Variants in FBXO16 observed in about 807,000 individuals in gnomAD.
FBXO16 encodes the protein F-box only protein 16.
In FBXO16, 31 loss-of-function variants were observed where a neutral mutation model predicts 41.0. That is an observed-to-expected ratio of 0.76 (90% CI 0.57 to 1.02). The LOEUF (loss-of-function observed/expected upper bound fraction) is 1.02, where lower values mean the gene tolerates loss of function less well. FBXO16 is among the 50% of genes least tolerant of loss of function. The pLI, the probability that FBXO16 is intolerant of heterozygous loss-of-function variation, is 0.00. For missense variants in FBXO16, 361 were observed against 346.2 expected, an observed-to-expected ratio of 1.04 and a Z score of -0.34; for synonymous variants, 133 against 117.8, an observed-to-expected ratio of 1.13 and a Z score of -0.84.
chr8:28,463,907 G>A (rs1803189450), intron 3 of FBXO16, 89 bp from the exon 4 acceptor site: 2 of 1,206,512 alleles, frequency 1.7e-6, no homozygotes, highest in Non-Finnish European at 2.3e-6. Flanking sequence ...CAATGGCATA[G>A]AAAGGGAGTT....
intron 2 of FBXO16, among the ~76,000 whole-genome samples, chr8:28,479,223 G>C (rs973734413): frequency 1.4e-4 from 22 of 152,082 alleles, no homozygotes; most frequent in Non-Finnish European, 3.2e-4. Context: ...AAGTCCTATG[G>C]GGTCAGTGGA....
chr8:28,477,553 T>C (rs1275642397), intron 2 of FBXO16, among the ~76,000 whole-genome samples: 1 of 152,348 alleles, frequency 6.6e-6, no homozygotes, highest in East Asian at 1.9e-4. Flanking sequence ...TTGTTCTTTG[T>C]TTACTTATAT....
At chr8:28,460,247 T>TATATATATA (rs57422429) in intron 4 of FBXO16, among the ~76,000 whole-genome samples, 5 of 53,344 alleles carry the variant, frequency 9.4e-5, no homozygotes, top group Non-Finnish European at 1.6e-4. Context: ...ATATATATAT[T>TATATATATA]TTTTTTTTTT....
intron 2 of FBXO16, among the ~76,000 whole-genome samples, chr8:28,474,943 G>C (rs113075350): frequency 6.6e-6 from 1 of 152,202 alleles, no homozygotes; most frequent in Admixed American, 6.5e-5. Context: ...CAGTGAGTGA[G>C]GAAAGGAAGA....
chr8:28,448,357 A>AAAAAG (rs1401076051), intron 6 of FBXO16, among the ~76,000 whole-genome samples: 7 of 151,076 alleles, frequency 4.6e-5, no homozygotes, highest in Non-Finnish European at 8.9e-5. Flanking sequence ...AAAAAAAAAA[A>AAAAAG]AAAGAAAGAA....
intron 7 of FBXO16, among the ~76,000 whole-genome samples, chr8:28,434,002 C>T (rs982323690): frequency 2.1e-5 from 3 of 144,092 alleles, no homozygotes; most frequent in East Asian, 2.0e-4. Context: ...ACTCTGGTGC[C>T]GAGGCTGGAG....
In FBXO16 at chr8:28,483,411, A is replaced by G; in HGVS notation, c.36T>C (p.Gly12=). 6.2e-7 allele frequency: 1 copy of G among 1,614,068 alleles called. No individual in the cohort carries two copies. Among genetic ancestry groups the G allele is most frequent in the Non-Finnish European group, 8.5e-7 (1 of 1,180,002 alleles). The change falls in exon 2 of 9, where the codon GGT becomes GGC. Residue 12 remains glycine (G), a synonymous_variant. Coordinates refer to ENST00000380254, the MANE Select transcript of FBXO16 (RefSeq NM_172366.4). ...MAFAPPKNTD[G]PKMQTKMSTW... ...TGCTCATCTTTGTCTGCATTTTGGG[A>G]CCATCTGTGTTTTTTGGAGGTGCAA...
intron 7 of FBXO16, among the ~76,000 whole-genome samples, chr8:28,442,681 G>A (rs767377412): frequency 3.6e-4 from 55 of 152,118 alleles, no homozygotes; most frequent in Non-Finnish European, 3.4e-4. Flanking sequence ...ACCTCGCCCA[G>A]CCCATCTTTC....
At chr8:28,433,247 G>A (rs879162412) in intron 7 of FBXO16, among the ~76,000 whole-genome samples, 18 of 152,252 alleles carry the variant, frequency 1.2e-4, no homozygotes, top group Middle Eastern at 3.4e-3. Context: ...CTGATGTGCC[G>A]TTATAGTGTC....
chr8:28,432,329 CG>C (rs1324229910), intron 7 of FBXO16, among the ~76,000 whole-genome samples: 1 of 151,788 alleles, frequency 6.6e-6, no homozygotes, highest in African/African-American at 2.4e-5. Flanking sequence ...CAAAAATTAG[CG>C]GGGCGTGGTG....
rs199665828 is a variant in FBXO16 at position 28,456,851 on chromosome 8, T to C, written c.422A>G (p.Asn141Ser). ...CTGCTCAAAGGGAGTTGGAGAGAAA[T>C]TGATGTACCAGTTAAACCGTAAACA... ...LKCLRFNWYI[N>S]FSPTPFEQGI... Residue 141 changes from asparagine (N) to serine (S), a missense_variant, in exon 5 of 9, where the codon AAT (asparagine) becomes AGT (serine). By Grantham distance (46) the Asn-to-Ser change is conservative. Coordinates refer to ENST00000380254, the MANE Select transcript of FBXO16 (RefSeq NM_172366.4). 220 of 1,614,150 alleles carry C rather than the reference T, an allele frequency of 1.4e-4. No individual in the cohort carries two copies. Among genetic ancestry groups the C allele is most frequent in the Non-Finnish European group, 1.6e-4 (184 of 1,180,020 alleles).
At chr8:28,486,061 G>A (rs1484916559) in intron 1 of FBXO16, among the ~76,000 whole-genome samples, 10 of 149,198 alleles carry the variant, frequency 6.7e-5, no homozygotes, top group Middle Eastern at 3.5e-3. Flanking sequence ...AGCTGAGGTC[G>A]CGCCACTGCA....
At chr8:28,453,116 C>A (rs1257883264) in intron 5 of FBXO16, among the ~76,000 whole-genome samples, 2 of 152,108 alleles carry the variant, frequency 1.3e-5, no homozygotes, top group Non-Finnish European at 2.9e-5. Context: ...TTCACAATAA[C>A]TCTATAAGGT....
chr8:28,457,635 C>T (rs532986285), intron 4 of FBXO16, among the ~76,000 whole-genome samples: 1 of 152,122 alleles, frequency 6.6e-6, no homozygotes, highest in Non-Finnish European at 1.5e-5. Context: ...GGGGAAACCA[C>T]CCCCATGGTT....
intron 1 of FBXO16, among the ~76,000 whole-genome samples, chr8:28,484,496 G>A (rs1262381218): frequency 6.6e-6 from 1 of 152,208 alleles, no homozygotes; most frequent in Admixed American, 6.5e-5. Flanking sequence ...AATTAATTAA[G>A]GTAGCCTGTC....
At chr8:28,439,630 C>T (rs1221135574) in intron 7 of FBXO16, among the ~76,000 whole-genome samples, 1 of 151,910 alleles carries the variant, frequency 6.6e-6, no homozygotes, top group Non-Finnish European at 1.5e-5. Flanking sequence ...CAGGTCCCGG[C>T]TACCTGGGAG....
intron 1 of FBXO16, among the ~76,000 whole-genome samples, chr8:28,484,576 CTTATT>C (rs1803570487): frequency 6.6e-6 from 1 of 152,116 alleles, no homozygotes; most frequent in Non-Finnish European, 1.5e-5. Context: ...TACTCTTAAT[CTTATT>C]TTATTTTATT....
rs547441724 is a variant in FBXO16, at chr8:28,439,861, G to A, written c.843+7310C>T. ...GCAAGGAAGCTTCTGCAGAAACTCT[G>A]TTCTATAAATTCTTCTGTTTTGGTT... On this transcript the variant is annotated intron_variant, in intron 7 of 8. Coordinates refer to ENST00000380254, the MANE Select transcript of FBXO16 (RefSeq NM_172366.4). Among the ~76,000 whole-genome samples, 198 of 151,754 alleles carry A rather than the reference G, an allele frequency of 1.3e-3. 2 individuals carry two copies. Among genetic ancestry groups the A allele is most frequent in the African/African-American group, 4.5e-3 (185 of 41,384 alleles).
At chr8:28,460,422 A>ATTTTTTTT (rs1276100665) in intron 4 of FBXO16, among the ~76,000 whole-genome samples, 4 of 83,072 alleles carry the variant, frequency 4.8e-5, no homozygotes, top group East Asian at 4.6e-4. Flanking sequence ...ATACCTGGCT[A>ATTTTTTTT]ATTTTTTTTT....
Sources: allele counts gnomAD v4.1 joint callset (sites outside exome capture counted in the v4.1 genomes callset), GRCh38; gene constraint gnomAD v4.1.1; transcripts MANE v1.5; gene names NCBI Gene and HGNC (gene_info 2026-07-23, HGNC 2026-07-21).